Variants in TIAM1 observed in about 807,000 individuals in gnomAD.
The protein encoded by TIAM1 is TIAM Rac1 associated GEF 1.
A neutral mutation model predicts 163.5 loss-of-function variants in TIAM1; 65 were observed. The ratio of observed to expected loss-of-function variants is 0.40; its 90% CI spans 0.33 to 0.49. The LOEUF is 0.49. Among genes scored for constraint, TIAM1 ranks in the 20% least tolerant of loss-of-function variants. The probability of loss-of-function intolerance (pLI) is 0.77; values close to 1 mark genes in which losing one functional copy is unlikely to be tolerated. For synonymous variants in TIAM1, 833 were observed against 810.1 expected (o/e 1.03, Z -0.48); for missense variants, 1,789 against 2,044.7 (o/e 0.87, Z 2.41).
intron 4 of TIAM1, among the ~76,000 whole-genome samples, chr21:31,261,904 A>G (rs1015659517): frequency 8.5e-5 from 13 of 152,062 alleles, no homozygotes; most frequent in Admixed American, 6.5e-5. Flanking sequence ...GTTCCCAGAG[A>G]CATGCTCAGT....
intron 15 of TIAM1, among the ~76,000 whole-genome samples, chr21:31,172,522 A>C (rs1310793316): frequency 2.0e-5 from 3 of 152,140 alleles, no homozygotes; most frequent in African/African-American, 7.2e-5. Flanking sequence ...GCTGAAGATA[A>C]GGCTCAGTCG....
intron 9 of TIAM1, among the ~76,000 whole-genome samples, chr21:31,214,007 C>A (rs1350856150): frequency 1.3e-5 from 2 of 151,760 alleles, no homozygotes; most frequent in Non-Finnish European, 2.9e-5. Context: ...CAGAGGGAGA[C>A]CTTGTCCCAA....
chr21:31,319,632 T>G (rs9985107), intron 2 of TIAM1, among the ~76,000 whole-genome samples: 36,739 of 151,438 alleles, frequency 0.24, 5,000 homozygotes, highest in East Asian at 0.44. Flanking sequence ...CAAAAAAAAG[T>G]AGTCGGGCAT....
chr21:31,119,486 G>A lies in TIAM1; in HGVS notation c.*882C>T, dbSNP rs1363404504. The A allele has an allele frequency of 6.6e-6, 1 of 151,010 alleles. No homozygotes were observed. Among genetic ancestry groups the A allele is most frequent in the East Asian group, 1.9e-4 (1 of 5,130 alleles). The allele number at this position is 151,010 out of a possible 1,614,324, so 9.4% of individuals were successfully genotyped here. A position where few individuals can be genotyped will look rare whatever the true frequency, so the allele number is the denominator to read the frequency against. ...TTCAAACATTAAAAAAAAAAAATCC[G>A]CTTTTTGGAAGAAAAGTATATCCTT... On this transcript the variant is annotated 3_prime_UTR_variant, in exon 28 of 28. Coordinates refer to ENST00000541036, the MANE Select transcript of TIAM1 (RefSeq NM_001353694.2).
At chr21:31,481,075 C>T (rs138158898) in intron 1 of TIAM1, among the ~76,000 whole-genome samples, 266 of 152,248 alleles carry the variant, frequency 1.7e-3, no homozygotes, top group African/African-American at 6.1e-3. Flanking sequence ...TATTTTCTTA[C>T]AGTCCTAGAG....
At chr21:31,377,613 C>A (rs1363256243) in intron 2 of TIAM1, among the ~76,000 whole-genome samples, 6 of 152,140 alleles carry the variant, frequency 3.9e-5, no homozygotes, top group African/African-American at 1.4e-4. Flanking sequence ...ACAATTTATT[C>A]TTTTTGTCTC....
intron 1 of TIAM1, among the ~76,000 whole-genome samples, chr21:31,467,079 A>T (rs2045560442): frequency 6.6e-6 from 1 of 152,236 alleles, no homozygotes; most frequent in African/African-American, 2.4e-5. Flanking sequence ...TAGCAAAGTT[A>T]AACAAAGTTC....
rs958678213 is a variant in TIAM1 at position 31,466,373 on chromosome 21, G to T, written c.-421-2338C>A. On this transcript the variant is annotated intron_variant, in intron 1 of 28. Coordinates refer to the TIAM1 transcript ENST00000286827. ...ACTTAGACAACAAGGATAGGGACAA[G>T]GAACTTGATCAGGTGTGATCAGATA... Among the ~76,000 whole-genome samples, 5 of 152,090 alleles carry T rather than the reference G, an allele frequency of 3.3e-5. No individual in the cohort carries two copies. The South Asian group carries it at 1.0e-3, about 32-fold the overall frequency.
At chr21:31,184,402 G>C (rs181064771) in intron 14 of TIAM1, among the ~76,000 whole-genome samples, 1 of 152,082 alleles carries the variant, frequency 6.6e-6, no homozygotes, top group Non-Finnish European at 1.5e-5. Context: ...CACCGTGCCC[G>C]GCCAATTCAC....
chr21:31,492,819 AC>A (rs2046515541), intron 1 of TIAM1, among the ~76,000 whole-genome samples: 1 of 144,044 alleles, frequency 6.9e-6, no homozygotes, highest in East Asian at 2.1e-4. Flanking sequence ...ACACACACAC[AC>A]ACACGTTAAG....
chr21:31,383,269 C>T (rs952947178), intron 2 of TIAM1, among the ~76,000 whole-genome samples: 1 of 152,086 alleles, frequency 6.6e-6, no homozygotes, highest in Non-Finnish European at 1.5e-5. Flanking sequence ...ATAATAGTTC[C>T]ATAAATTCAG....
chr21:31,469,079 C>CTTTTT (rs765505214), intron 1 of TIAM1, among the ~76,000 whole-genome samples: 4 of 110,886 alleles, frequency 3.6e-5, no homozygotes, highest in African/African-American at 1.0e-4. Flanking sequence ...GAACCAATCC[C>CTTTTT]TTTTTTTTTT....
At chr21:31,145,333 T>C (rs1017525637) in intron 20 of TIAM1, among the ~76,000 whole-genome samples, 3 of 152,200 alleles carry the variant, frequency 2.0e-5, no homozygotes, top group African/African-American at 7.2e-5. Context: ...GTCAAGCTAG[T>C]TCTCTTTGGC....
chr21:31,297,494 A>G (rs1409860019), intron 2 of TIAM1, among the ~76,000 whole-genome samples: 1 of 152,208 alleles, frequency 6.6e-6, no homozygotes, highest in Non-Finnish European at 1.5e-5. Flanking sequence ...TCTTGGGTTC[A>G]GGAGATTCTC....
chr21:31,558,612 GCCGACGT>G (rs930662565), intron 1 of TIAM1, among the ~76,000 whole-genome samples: 58 of 152,228 alleles, frequency 3.8e-4, no homozygotes, highest in Admixed American at 2.7e-3. Flanking sequence ...AGGACCGAAT[GCCGACGT>G]CCGGACGCTG....
At chr21:31,144,831 A>G (rs1197898266) in intron 20 of TIAM1, among the ~76,000 whole-genome samples, 2 of 31,036 alleles carry the variant, frequency 6.4e-5, no homozygotes, top group Non-Finnish European at 1.2e-4. Context: ...TCCATCTCAG[A>G]AAAAAAAAAA....
chr21:31,202,914 A>G lies in TIAM1; in HGVS notation c.2487T>C (p.Tyr829=), dbSNP rs1217628218. ...LYVPQPEEDI[Y]ELLYKEIEIC... ...ACAACAGTCATAACATTACCAGCTC[A>G]TAGATGTCTTCCTCGGGCTGTGGAA... is the stretch of plus-strand genomic sequence containing the variant. Residue 829 remains tyrosine (Y), a synonymous_variant, in exon 12 of 28, where the codon TAT becomes TAC. Transcript: ENST00000541036. 1 of 1,610,754 alleles carries G rather than the reference A, an allele frequency of 6.2e-7. No individual in the cohort carries two copies. The highest frequency in any genetic ancestry group is 1.3e-5 in the African/African-American group (1 of 74,988).
chr21:31,286,931 T>C (rs988347323), intron 2 of TIAM1, among the ~76,000 whole-genome samples: 1 of 152,070 alleles, frequency 6.6e-6, no homozygotes, highest in Non-Finnish European at 1.5e-5. Flanking sequence ...TAGTCACTCC[T>C]CATTTTAAAA....
At chr21:31,533,023 T>A (rs1224437207) in intron 1 of TIAM1, among the ~76,000 whole-genome samples, 6 of 152,234 alleles carry the variant, frequency 3.9e-5, no homozygotes, top group East Asian at 1.9e-4. Flanking sequence ...AACATAATTT[T>A]AAATTTTCAG....
Sources: gnomAD v4.1 joint callset for allele counts (sites outside exome capture counted in the v4.1 genomes callset) on GRCh38, gnomAD v4.1.1 for gene constraint, MANE v1.5 for transcripts, NCBI Gene and HGNC (gene_info 2026-07-23, HGNC 2026-07-21) for gene names.